Variants in MACROD2 observed in about 807,000 individuals in gnomAD.
MACROD2 encodes ADP-ribose glycohydrolase MACROD2.
A neutral mutation model predicts 70.4 loss-of-function variants in MACROD2; 36 were observed. The ratio of observed to expected loss-of-function variants is 0.51; its 90% CI spans 0.39 to 0.68. The LOEUF (loss-of-function observed/expected upper bound fraction) is 0.68. MACROD2 is among the 30% of genes least tolerant of loss of function. The pLI is 0.00. For synonymous variants in MACROD2, 172 were observed against 178.8 expected, an observed-to-expected ratio of 0.96 and a Z score of 0.30; for missense variants, 496 against 538.4, an observed-to-expected ratio of 0.92 and a Z score of 0.78.
chr20:15,619,824 A>C, intron 8 of MACROD2: 1 of 161,306 alleles, frequency 6.2e-6, no homozygotes, highest in Non-Finnish European at 1.3e-5. Context: ...GTTCTCGTTT[A>C]GTTTCTGGGA....
chr20:14,363,542 C>T (rs1258611172), intron 3 of MACROD2, among the ~76,000 whole-genome samples: 1 of 152,022 alleles, frequency 6.6e-6, no homozygotes, highest in Non-Finnish European at 1.5e-5. Context: ...GATTAGGGGC[C>T]GGGCGCGGTG....
At position 15,068,009 on chromosome 20, in the gene MACROD2, A is replaced by G. The variant is rs566222099; in HGVS notation, c.419-161931A>G. Among the ~76,000 whole-genome samples, 7 of 152,310 alleles carry G rather than the reference A, an allele frequency of 4.6e-5. No individual in the cohort carries two copies. The South Asian group carries it at 1.0e-3, about 23-fold the overall frequency. ...TGCTATTCTGGTTGACACAGCTGCA[A>G]GAAGGTTAATTTCGTTCCTCTTTTT... On this transcript the variant is annotated intron_variant, in intron 5 of 17. Coordinates refer to ENST00000684519, the MANE Select transcript of MACROD2 (RefSeq NM_001351661.2).
intron 2 of MACROD2, among the ~76,000 whole-genome samples, chr20:14,066,295 A>G (rs190439076): frequency 7.1e-4 from 108 of 152,240 alleles, no homozygotes; most frequent in African/African-American, 2.4e-3. Flanking sequence ...AATCAATTCT[A>G]TATTTATTGG....
intron 5 of MACROD2, among the ~76,000 whole-genome samples, chr20:15,192,052 A>ATCTATCTATCTC (rs1175794517): frequency 1.4e-3 from 207 of 150,878 alleles, no homozygotes; most frequent in South Asian, 8.0e-3. Flanking sequence ...CTATCTATCT[A>ATCTATCTATCTC]TCTATCTATC....
intron 3 of MACROD2, among the ~76,000 whole-genome samples, chr20:14,265,791 T>G (rs1245864475): frequency 1.3e-5 from 2 of 150,720 alleles, no homozygotes; most frequent in Admixed American, 6.6e-5. Flanking sequence ...TTTTTTTTTT[T>G]TTTGAGACAG....
intron 8 of MACROD2, among the ~76,000 whole-genome samples, chr20:15,802,322 T>C (rs1403979279): frequency 1.3e-5 from 2 of 152,176 alleles, no homozygotes; most frequent in East Asian, 3.8e-4. Flanking sequence ...ATGCCAGCTG[T>C]GGGTTTGTCA....
At chr20:14,490,863 A>G (rs2123099739) in intron 3 of MACROD2, among the ~76,000 whole-genome samples, 1 of 152,312 alleles carries the variant, frequency 6.6e-6, no homozygotes, top group South Asian at 2.1e-4. Context: ...CACAAACTTC[A>G]GTAAACAAAT....
chr20:14,649,061 G>C (rs1985542915), intron 4 of MACROD2, among the ~76,000 whole-genome samples: 1 of 152,136 alleles, frequency 6.6e-6, no homozygotes, highest in African/African-American at 2.4e-5. Context: ...GAACTCCAGA[G>C]GTCCACACTC....
chr20:14,282,750 A>C (rs1340224688), intron 3 of MACROD2, among the ~76,000 whole-genome samples: 3 of 152,146 alleles, frequency 2.0e-5, no homozygotes, highest in African/African-American at 7.2e-5. Flanking sequence ...CACATGGTGA[A>C]ATGGAGCAAG....
intron 8 of MACROD2, among the ~76,000 whole-genome samples, chr20:15,546,481 C>T (rs557500420): frequency 6.6e-6 from 1 of 152,270 alleles, no homozygotes; most frequent in African/African-American, 2.4e-5. Flanking sequence ...TTCAAGATAT[C>T]TCAATACTGA....
chr20:14,919,060 T>A (rs536195872), intron 5 of MACROD2, among the ~76,000 whole-genome samples: 6 of 152,300 alleles, frequency 3.9e-5, no homozygotes, highest in African/African-American at 1.2e-4. Context: ...TTCATTTGTG[T>A]TTTGCGGTGT....
chr20:14,812,767 A>T (rs2072730232), intron 5 of MACROD2, among the ~76,000 whole-genome samples: 1 of 152,038 alleles, frequency 6.6e-6, no homozygotes, highest in South Asian at 2.1e-4. Context: ...ACACCAAGTG[A>T]TCAGTTCTCT....
At chr20:14,215,107 T>A (rs991048181) in intron 3 of MACROD2, among the ~76,000 whole-genome samples, 1 of 6,952 alleles carries the variant, frequency 1.4e-4, no homozygotes, top group African/African-American at 4.1e-4. Context: ...CATATATATC[T>A]ATTCCATCAT....
chr20:15,861,804 G>T (rs933362714), intron 8 of MACROD2, among the ~76,000 whole-genome samples: 7 of 152,116 alleles, frequency 4.6e-5, no homozygotes, highest in African/African-American at 1.7e-4. Flanking sequence ...CTTCCATGGG[G>T]GTTCTTTCTT....
At chr20:14,032,710 T>C (rs1459716689) in intron 2 of MACROD2, among the ~76,000 whole-genome samples, 5 of 152,194 alleles carry the variant, frequency 3.3e-5, no homozygotes, top group African/African-American at 1.2e-4. Flanking sequence ...GGAACCACTA[T>C]AGTGATTGAG....
chr20:14,247,074 A>G (rs16994428), intron 3 of MACROD2, among the ~76,000 whole-genome samples: 3,391 of 152,266 alleles, frequency 0.022, 40 homozygotes, highest in Non-Finnish European at 0.024. Flanking sequence ...CTAACCATAA[A>G]CGAATCTGTG....
intron 8 of MACROD2, among the ~76,000 whole-genome samples, chr20:15,577,978 G>A (rs758055662): frequency 1.3e-5 from 2 of 152,204 alleles, no homozygotes; most frequent in African/African-American, 4.8e-5. Context: ...GAAGCAATGA[G>A]CAACACAGAA....
intron 5 of MACROD2, among the ~76,000 whole-genome samples, chr20:14,964,496 C>G (rs2074613554): frequency 6.6e-6 from 1 of 151,898 alleles, no homozygotes; most frequent in Non-Finnish European, 1.5e-5. Flanking sequence ...TGGCGTGAAT[C>G]TGGGAGGTGG....
At chr20:15,779,557 A>C (rs1371938142) in intron 8 of MACROD2, among the ~76,000 whole-genome samples, 1 of 152,158 alleles carries the variant, frequency 6.6e-6, no homozygotes, top group African/African-American at 2.4e-5. Flanking sequence ...AGATTTATTA[A>C]GACTCTGGAA....
Sources: gnomAD v4.1 joint callset for allele counts (sites outside exome capture counted in the v4.1 genomes callset) on GRCh38, gnomAD v4.1.1 for gene constraint, MANE v1.5 for transcripts, NCBI Gene and HGNC (gene_info 2026-07-23, HGNC 2026-07-21) for gene names.